Variants in PDZD2 observed in about 807,000 individuals in gnomAD.
The protein encoded by PDZD2 is PDZ domain containing 2, also known as PDZ domain-containing protein 2.
A neutral mutation model predicts 220.7 loss-of-function variants in PDZD2; 90 were observed. The observed-to-expected ratio is 0.41, with a 90% CI of 0.34 to 0.49. The LOEUF (loss-of-function observed/expected upper bound fraction) is 0.49, where lower values mean the gene tolerates loss of function less well. PDZD2 is among the 20% of genes least tolerant of loss of function. PDZD2 has a pLI of 0.28. For missense variants in PDZD2, 3,174 were observed against 3,608.5 expected (o/e 0.88, Z 3.08); for synonymous variants, 1,375 against 1,450.5 (o/e 0.95, Z 1.18).
chr5:31,926,550 AT>A lies in PDZD2; in HGVS notation c.477-56603del, dbSNP rs1744794487. On this transcript the variant is annotated intron_variant, in intron 2 of 24. Coordinates refer to ENST00000438447, the MANE Select transcript of PDZD2 (RefSeq NM_178140.4). ...TGAAAAAAAAAAAAAAAAAAAGAAA[AT>A]TAAAAGCTAAAAAATAACAGACGCT... is the stretch of plus-strand genomic sequence containing the variant. Among the ~76,000 whole-genome samples the A allele has an allele frequency of 9.4e-5, 14 of 149,340 alleles. No homozygotes were observed. The South Asian group carries it at 3.0e-3, about 32-fold the overall frequency.
chr5:31,705,307 A>G (rs1747776392), intron 1 of PDZD2, among the ~76,000 whole-genome samples: 1 of 152,210 alleles, frequency 6.6e-6, no homozygotes, highest in African/African-American at 2.4e-5. Context: ...GAATTAGAGA[A>G]TAATTTATGA....
chr5:31,988,984 G>A (rs78793484), intron 3 of PDZD2, among the ~76,000 whole-genome samples: 2,211 of 152,234 alleles, frequency 0.015, 59 homozygotes, highest in African/African-American at 0.05. Context: ...GCCCGAGCCC[G>A]ACGTATTCCA....
Position 32,089,304 on chromosome 5 carries a change from G to C in PDZD2, c.5856G>C (p.Arg1952Ser). 1 of 1,614,018 alleles carries C rather than the reference G, an allele frequency of 6.2e-7. No homozygotes were observed. Residue 1952 changes from arginine to serine, a missense_variant, in exon 20 of 25, where the codon AGG becomes AGC. This residue lies in a region of PDZD2 where 1,861 missense variants were observed against 2,001.0 expected (regional missense o/e 0.93). Coordinates refer to ENST00000438447, the MANE Select transcript of PDZD2 (RefSeq NM_178140.4). Reference protein sequence around the residue: ...DPDRNTTAAPRSPQCVLESKP... With the variant: ...DPDRNTTAAPSSPQCVLESKP... ...ACAGAAACACCACAGCTGCCCCCAGGTCCCCCCAGTGTGTGCTGGAAAGCA... is the reference window on the plus strand; with the variant it reads ...ACAGAAACACCACAGCTGCCCCCAGCTCCCCCCAGTGTGTGCTGGAAAGCA...
intron 1 of PDZD2, among the ~76,000 whole-genome samples, chr5:31,689,949 G>A (rs948216165): frequency 6.6e-6 from 1 of 152,152 alleles, no homozygotes; most frequent in African/African-American, 2.4e-5. Flanking sequence ...ATAGGCCCAT[G>A]TGAGCTATCT....
intron 2 of PDZD2, among the ~76,000 whole-genome samples, chr5:31,959,780 T>G (rs866196501): frequency 6.6e-6 from 1 of 152,200 alleles, no homozygotes; most frequent in African/African-American, 2.4e-5. Flanking sequence ...CAAAGTATTC[T>G]CTGACAGTTC....
chr5:31,936,168 T>A, intron 2 of PDZD2: 1 of 987,824 alleles, frequency 1.0e-6, no homozygotes, highest in Non-Finnish European at 1.2e-6. Flanking sequence ...CATGGGGAGC[T>A]GGCAGGAAGT....
intron 1 of PDZD2, among the ~76,000 whole-genome samples, chr5:31,757,591 C>CAA (rs1356882448): frequency 7.0e-5 from 9 of 128,532 alleles, no homozygotes; most frequent in African/African-American, 2.3e-4. Context: ...GACTCTGCCT[C>CAA]AAAAAAAAAA....
intron 2 of PDZD2, among the ~76,000 whole-genome samples, chr5:31,826,265 T>C (rs1009734822): frequency 1.3e-5 from 2 of 152,132 alleles, no homozygotes; most frequent in African/African-American, 2.4e-5. Context: ...GTTCTCTACC[T>C]TGCTCAATGC....
At chr5:31,898,759 A>G (rs72757968) in intron 2 of PDZD2, among the ~76,000 whole-genome samples, 5,088 of 149,806 alleles carry the variant, frequency 0.034, 134 homozygotes, top group Non-Finnish European at 0.052. Context: ...CAGACAGGTC[A>G]TCCAGGACGG....
At chr5:31,981,061 C>T (rs944450530) in intron 2 of PDZD2, among the ~76,000 whole-genome samples, 1 of 152,220 alleles carries the variant, frequency 6.6e-6, no homozygotes, top group Non-Finnish European at 1.5e-5. Context: ...GCAAGGATTA[C>T]AGGCATGAGC....
chr5:32,082,916 G>A (rs1373071341), intron 19 of PDZD2, among the ~76,000 whole-genome samples: 4 of 152,194 alleles, frequency 2.6e-5, no homozygotes, highest in African/African-American at 7.2e-5. Context: ...GGTGGTAGCT[G>A]TTGGAAAAGC....
intron 1 of PDZD2, among the ~76,000 whole-genome samples, chr5:31,740,689 T>C (rs1379002299): frequency 6.6e-6 from 1 of 152,180 alleles, no homozygotes; most frequent in Non-Finnish European, 1.5e-5. Context: ...ATCTTGGCTA[T>C]TGTTTGTGGT....
At chr5:31,989,424 T>TTTTTTTTTTTTTTTTTTTTTTTTTATTTA (rs1429240437) in intron 3 of PDZD2, among the ~76,000 whole-genome samples, 5 of 136,750 alleles carry the variant, frequency 3.7e-5, no homozygotes, top group East Asian at 5.2e-4. Flanking sequence ...TTCTTTTCTT[T>TTTTTTTTTTTTTTTTTTTTTTTTTATTTA]TTTTTTTTTT....
At position 32,090,960 on chromosome 5, in the gene PDZD2, G is replaced by A. The variant is rs1561573460; in HGVS notation, c.7512G>A (p.Gly2504=). The A allele has an allele frequency of 6.2e-7, 1 of 1,613,966 alleles. No homozygotes were observed. Among genetic ancestry groups the A allele is most frequent in the East Asian group, 2.2e-5 (1 of 44,856 alleles). The change falls in exon 20 of 25, where the codon GGG becomes GGA. Residue 2504 remains glycine (G), a synonymous_variant. Coordinates refer to ENST00000438447, the MANE Select transcript of PDZD2 (RefSeq NM_178140.4). The surrounding 1 kb of genome is among the most constrained non-coding windows in gnomAD (Gnocchi z 4.3). ...DKLCSEDYSA[G]PSAVLFKTEL... is the part of the protein sequence containing the mutation. ...TCTGCAGCGAGGATTACTCAGCAGG[G>A]CCGAGCGCCGTGCTCTTCAAAACTG...
intron 6 of PDZD2, among the ~76,000 whole-genome samples, chr5:32,011,236 C>T (rs886508340): frequency 6.6e-6 from 1 of 151,670 alleles, no homozygotes; most frequent in Admixed American, 6.6e-5. Context: ...TGCCTGTAAC[C>T]CCAGCACCTT....
chr5:31,863,137 G>A (rs972577869), intron 2 of PDZD2, among the ~76,000 whole-genome samples: 1 of 152,280 alleles, frequency 6.6e-6, no homozygotes, highest in Non-Finnish European at 1.5e-5. Context: ...TGCCTGCCTC[G>A]ACCTCCCAAA....
At chr5:31,885,231 T>A (rs1740354061) in intron 2 of PDZD2, among the ~76,000 whole-genome samples, 1 of 141,236 alleles carries the variant, frequency 7.1e-6, no homozygotes. Flanking sequence ...ATCAAAGCAG[T>A]GGGATTTTTT....
intron 1 of PDZD2, among the ~76,000 whole-genome samples, chr5:31,699,345 G>A (rs535267136): frequency 1.3e-4 from 20 of 152,250 alleles, no homozygotes; most frequent in South Asian, 1.0e-3. Context: ...GCAGAGGCAC[G>A]AAGCAGCACA....
chr5:32,032,552 C>G (rs887153187), intron 6 of PDZD2, among the ~76,000 whole-genome samples: 5 of 152,210 alleles, frequency 3.3e-5, no homozygotes, highest in Non-Finnish European at 5.9e-5. Flanking sequence ...TCAGCTTTCT[C>G]AAGTCAGATC....
Sources: allele counts gnomAD v4.1 joint callset (sites outside exome capture counted in the v4.1 genomes callset), GRCh38; gene constraint gnomAD v4.1.1; regional missense constraint gnomAD v4.1.1; non-coding constraint Gnocchi (gnomAD v3.1); transcripts MANE v1.5; gene names NCBI Gene and HGNC (gene_info 2026-07-23, HGNC 2026-07-21).